ERBB4: variants seen among roughly 807,000 people sequenced by gnomAD.
ERBB4 encodes the protein erb-b2 receptor tyrosine kinase 4.
Under a neutral mutation model 158.0 loss-of-function variants are expected in ERBB4, and 42 were observed. The ratio of observed to expected loss-of-function variants is 0.27; its 90% CI spans 0.21 to 0.34. ERBB4 has a LOEUF of 0.34. Ranked by LOEUF, ERBB4 falls within the 10% of genes least tolerant of loss-of-function variation. The pLI is 1.00. For synonymous variants in ERBB4, 583 were observed against 558.7 expected (o/e 1.04, Z -0.61); for missense variants, 1,333 against 1,624.1 (o/e 0.82, Z 3.08).
intron 2 of ERBB4, among the ~76,000 whole-genome samples, chr2:212,054,439 T>C (rs931540879): frequency 5.9e-5 from 9 of 152,056 alleles, no homozygotes; most frequent in East Asian, 1.9e-4. Context: ...AGAACCAAGA[T>C]TGAGTGGAAA....
chr2:211,438,786 G>A (rs2063910302), intron 20 of ERBB4, among the ~76,000 whole-genome samples: 1 of 152,004 alleles, frequency 6.6e-6, no homozygotes, highest in Non-Finnish European at 1.5e-5. Context: ...CCAGCAGGGA[G>A]TTAACACTCA....
chr2:211,885,548 T>G (rs1037595083), intron 3 of ERBB4, among the ~76,000 whole-genome samples: 5 of 152,000 alleles, frequency 3.3e-5, no homozygotes, highest in Non-Finnish European at 7.4e-5. Context: ...CTCAATCTCC[T>G]GGGTTCAAGC....
chr2:211,599,823 C>A (rs1379635054), intron 19 of ERBB4, among the ~76,000 whole-genome samples: 1 of 152,068 alleles, frequency 6.6e-6, no homozygotes, highest in Non-Finnish European at 1.5e-5. Flanking sequence ...TTTAAAATTT[C>A]AACTTATGAG....
intron 2 of ERBB4, among the ~76,000 whole-genome samples, chr2:212,050,640 T>C (rs1178962133): frequency 6.6e-6 from 1 of 152,192 alleles, no homozygotes; most frequent in African/African-American, 2.4e-5. Flanking sequence ...TAGTCGGGAC[T>C]AATCCTGCCA....
At chr2:211,386,221 T>C (rs1188158402) in intron 27 of ERBB4, among the ~76,000 whole-genome samples, 1 of 152,212 alleles carries the variant, frequency 6.6e-6, no homozygotes, top group South Asian at 2.1e-4. Context: ...GTGCTTAACA[T>C]TTCTACTACT....
At chr2:211,837,422 G>T (rs906491027) in intron 3 of ERBB4, among the ~76,000 whole-genome samples, 1 of 152,104 alleles carries the variant, frequency 6.6e-6, no homozygotes, top group East Asian at 1.9e-4. Context: ...GAAAGCATGA[G>T]AGGCTTAATC....
chr2:212,446,615 A>G (rs1348028035), intron 1 of ERBB4, among the ~76,000 whole-genome samples: 9 of 46,662 alleles, frequency 1.9e-4, no homozygotes, highest in South Asian at 8.1e-4. Flanking sequence ...ATATATATAT[A>G]TATATATATA....
chr2:212,346,061 T>A (rs2088983246), intron 1 of ERBB4, among the ~76,000 whole-genome samples: 1 of 152,162 alleles, frequency 6.6e-6, no homozygotes, highest in African/African-American at 2.4e-5. Flanking sequence ...ATCAGTAAGC[T>A]TTTTGCTAAT....
At chr2:211,965,175 A>T (rs1314220699) in intron 2 of ERBB4, among the ~76,000 whole-genome samples, 1 of 152,222 alleles carries the variant, frequency 6.6e-6, no homozygotes, top group Non-Finnish European at 1.5e-5. Context: ...GAAGGACAGC[A>T]TGTGAAAGAG....
chr2:212,444,495 C>T (rs1560339471), intron 1 of ERBB4, among the ~76,000 whole-genome samples: 2 of 152,192 alleles, frequency 1.3e-5, no homozygotes, highest in Non-Finnish European at 2.9e-5. Context: ...GTGGACCTCA[C>T]TGAGTGGTCA....
chr2:212,065,108 T>C (rs568324372), intron 2 of ERBB4, among the ~76,000 whole-genome samples: 10 of 151,664 alleles, frequency 6.6e-5, no homozygotes, highest in African/African-American at 2.4e-4. Context: ...GTTTTACTAA[T>C]CACCCCTACT....
chr2:211,603,001 G>C (rs2068846362), intron 19 of ERBB4, among the ~76,000 whole-genome samples: 1 of 152,042 alleles, frequency 6.6e-6, no homozygotes, highest in African/African-American at 2.4e-5. Flanking sequence ...GGCTGAGGTG[G>C]GCGGATCACT....
At chr2:211,469,026 G>C (rs548552496) in intron 20 of ERBB4, among the ~76,000 whole-genome samples, 1 of 152,058 alleles carries the variant, frequency 6.6e-6, no homozygotes, top group South Asian at 2.1e-4. Context: ...GAGGGCCTGA[G>C]CTGAGGCTGC....
chr2:212,286,900 C>T (rs1181559537), intron 1 of ERBB4, among the ~76,000 whole-genome samples: 5 of 150,500 alleles, frequency 3.3e-5, no homozygotes, highest in East Asian at 2.0e-4. Flanking sequence ...CGTGAGCCAC[C>T]GTGCACAGCC....
At chr2:212,031,914 C>T (rs1012759090) in intron 2 of ERBB4, among the ~76,000 whole-genome samples, 26 of 151,980 alleles carry the variant, frequency 1.7e-4, no homozygotes, top group Admixed American at 3.9e-4. Flanking sequence ...AACTATTTCC[C>T]GCTGCACAAT....
chr2:212,014,720 C>A (rs1329444109), intron 2 of ERBB4, among the ~76,000 whole-genome samples: 1 of 152,002 alleles, frequency 6.6e-6, no homozygotes, highest in Non-Finnish European at 1.5e-5. Flanking sequence ...TTCAACCATT[C>A]TTCCTGTTTA....
chr2:211,951,970 G>A (rs149562438), intron 2 of ERBB4, among the ~76,000 whole-genome samples: 162 of 151,710 alleles, frequency 1.1e-3, no homozygotes, highest in African/African-American at 3.1e-3. Context: ...TAATTGTTAC[G>A]TCCCTTTCTC....
intron 1 of ERBB4, among the ~76,000 whole-genome samples, chr2:212,395,843 T>A (rs907562135): frequency 6.6e-6 from 1 of 152,086 alleles, no homozygotes; most frequent in East Asian, 1.9e-4. Context: ...GGTCTCGATC[T>A]CTTGACCTCG....
chr2:211,517,903 C>G (rs1290447384), intron 20 of ERBB4, among the ~76,000 whole-genome samples: 3 of 152,032 alleles, frequency 2.0e-5, no homozygotes, highest in Non-Finnish European at 4.4e-5. Flanking sequence ...CTTTTATAGT[C>G]AAGCCTCTCA....
Sources: gnomAD v4.1 joint callset for allele counts (sites outside exome capture counted in the v4.1 genomes callset) on GRCh38, gnomAD v4.1.1 for gene constraint, MANE v1.5 for transcripts, NCBI Gene and HGNC (gene_info 2026-07-23, HGNC 2026-07-21) for gene names.